Variants in METTL15 observed in about 807,000 individuals in gnomAD.
The protein encoded by METTL15 is methyltransferase 15, mitochondrial 12S rRNA N4-cytidine, also known as 12S rRNA N(4)-cytidine methyltransferase METTL15.
METTL15 carries 34 observed loss-of-function variants against 38.3 expected under a neutral mutation model. The observed-to-expected ratio is 0.89, with a 90% CI of 0.68 to 1.18. METTL15 has a LOEUF of 1.18. METTL15 is among the 50% of genes most tolerant of loss of function. The pLI, the probability that METTL15 is intolerant of heterozygous loss-of-function variation, is 0.00. For missense variants in METTL15, 438 were observed against 498.4 expected (o/e 0.88, Z 1.15); for synonymous variants, 162 against 170.9 (o/e 0.95, Z 0.41).
At chr11:28,401,163 G>C (rs1317061801) in intron 5 of METTL15, among the ~76,000 whole-genome samples, 2 of 151,948 alleles carry the variant, frequency 1.3e-5, no homozygotes, top group Non-Finnish European at 2.9e-5. Flanking sequence ...GTGGATGTGA[G>C]AGTGCCATGT....
chr11:28,162,021 C>T (rs567999185), intron 3 of METTL15, among the ~76,000 whole-genome samples: 5 of 152,028 alleles, frequency 3.3e-5, no homozygotes, highest in Middle Eastern at 3.4e-3. Context: ...TATTATATAC[C>T]GGGCACTGTT....
At chr11:28,164,892 C>T (rs965418915) in intron 3 of METTL15, among the ~76,000 whole-genome samples, 1 of 152,110 alleles carries the variant, frequency 6.6e-6, no homozygotes, top group Non-Finnish European at 1.5e-5. Context: ...CACTGTTCTA[C>T]TCTCTAACTC....
chr11:28,159,594 C>T (rs776618201), intron 3 of METTL15, among the ~76,000 whole-genome samples: 4 of 152,080 alleles, frequency 2.6e-5, no homozygotes, highest in Non-Finnish European at 5.9e-5. Context: ...GAGTCTTTCC[C>T]CCTTCTTTTG....
chr11:28,317,215 G>A (rs553363703), intron 6 of METTL15, among the ~76,000 whole-genome samples: 1 of 152,102 alleles, frequency 6.6e-6, no homozygotes, highest in Admixed American at 6.5e-5. Context: ...AGGAGTTGGG[G>A]ATTAAATGAG....
At chr11:28,478,510 A>G (rs76093760) in intron 6 of METTL15, among the ~76,000 whole-genome samples, 3,505 of 152,218 alleles carry the variant, frequency 0.023, 137 homozygotes, top group African/African-American at 0.081. Flanking sequence ...GTATCTACTA[A>G]ATTTCAGTGT....
In METTL15 at chr11:28,481,630, G is replaced by A. The variant is rs141487968; in HGVS notation, c.*425-44848G>A. Among the ~76,000 whole-genome samples, 1,209 of 152,174 alleles carry A rather than the reference G, an allele frequency of 7.9e-3. 3 individuals are homozygous for A. The highest frequency in any genetic ancestry group is 0.01 in the Middle Eastern group (3 of 294). ...TAATATCCCCTCAAGTCACTGAAGC[G>A]GCCAGCAGGATCACATCCCATCCTG... On this transcript the variant is annotated intron_variant and NMD_transcript_variant, in intron 6 of 7. Coordinates refer to the METTL15 transcript ENST00000532947.
intron 5 of METTL15, among the ~76,000 whole-genome samples, chr11:28,390,603 C>G (rs565115876): frequency 6.6e-6 from 1 of 152,138 alleles, no homozygotes; most frequent in East Asian, 1.9e-4. Context: ...TGTTTTGGTA[C>G]TAGTACCAGG....
intron 4 of METTL15, among the ~76,000 whole-genome samples, chr11:28,243,323 CT>C (rs1002324508): frequency 2.0e-5 from 3 of 152,030 alleles, no homozygotes; most frequent in Non-Finnish European, 2.9e-5. Flanking sequence ...TTGGCCGTAC[CT>C]TTTTCCTTAG....
At chr11:28,299,052 A>T (rs1000510313) in intron 6 of METTL15, among the ~76,000 whole-genome samples, 1 of 152,100 alleles carries the variant, frequency 6.6e-6, no homozygotes, top group Non-Finnish European at 1.5e-5. Context: ...TACAGTGAAA[A>T]TTCTCTTTCC....
chr11:28,249,910 G>A (rs1854666604), intron 4 of METTL15, among the ~76,000 whole-genome samples: 1 of 151,850 alleles, frequency 6.6e-6, no homozygotes, highest in African/African-American at 2.4e-5. Flanking sequence ...TGCAGTGTCT[G>A]TTTTTCCCCT....
intron 3 of METTL15, among the ~76,000 whole-genome samples, chr11:28,152,982 G>A (rs781606919): frequency 6.6e-6 from 1 of 152,008 alleles, no homozygotes; most frequent in African/African-American, 2.4e-5. Context: ...CATGGCATTT[G>A]CAAACTGTCA....
chr11:28,205,109 T>C (rs891953590), intron 3 of METTL15, among the ~76,000 whole-genome samples: 6 of 151,972 alleles, frequency 3.9e-5, no homozygotes, highest in Admixed American at 1.3e-4. Flanking sequence ...TTTTATTTAA[T>C]TTTTATTTTA....
At chr11:28,471,888 G>A (rs550470047) in intron 6 of METTL15, among the ~76,000 whole-genome samples, 2 of 152,214 alleles carry the variant, frequency 1.3e-5, no homozygotes, top group East Asian at 1.9e-4. Flanking sequence ...TCTGTGGGGG[G>A]AAAAACTCTC....
At position 28,258,030 on chromosome 11, in the gene METTL15, A is replaced by T. The variant is rs989601766; in HGVS notation, c.408-32176A>T. On this transcript the variant is annotated intron_variant, in intron 4 of 6. Transcript: ENST00000407364. Reference sequence around the variant, plus strand: ...CTTGTTTGTACCCATCTTTCTTGGGAAGGCTTTCCAGAGATTTGAACAGAC... The same window carrying T: ...CTTGTTTGTACCCATCTTTCTTGGGTAGGCTTTCCAGAGATTTGAACAGAC... Among the ~76,000 whole-genome samples the T allele has an allele frequency of 3.9e-5, 6 of 152,134 alleles. No individual in the cohort carries two copies. In the East Asian group the frequency reaches 1.2e-3, roughly 29 times the overall value.
chr11:28,380,850 T>C (rs892273882), intron 5 of METTL15, among the ~76,000 whole-genome samples: 1 of 143,456 alleles, frequency 7.0e-6, no homozygotes, highest in South Asian at 2.2e-4. Context: ...TTTTTTTTTT[T>C]CATTTCAGCA....
At chr11:28,486,435 G>A (rs1041947245) in intron 6 of METTL15, among the ~76,000 whole-genome samples, 8 of 151,884 alleles carry the variant, frequency 5.3e-5, no homozygotes, top group Admixed American at 5.2e-4. Context: ...GGGTAAAGCA[G>A]ATGTTCTGTC....
intron 3 of METTL15, among the ~76,000 whole-genome samples, chr11:28,168,872 G>A (rs967693729): frequency 6.6e-6 from 1 of 152,106 alleles, no homozygotes; most frequent in Non-Finnish European, 1.5e-5. Flanking sequence ...TGAAAACAGA[G>A]GGCAATTCAG....
At chr11:28,410,187 C>T (rs536474948) in intron 5 of METTL15, among the ~76,000 whole-genome samples, 1 of 152,200 alleles carries the variant, frequency 6.6e-6, no homozygotes, top group African/African-American at 2.4e-5. Context: ...GCCAAACATA[C>T]AAAGAAGAAT....
At chr11:28,321,043 C>T (rs377178999) in intron 6 of METTL15, among the ~76,000 whole-genome samples, 19 of 152,244 alleles carry the variant, frequency 1.2e-4, no homozygotes, top group African/African-American at 4.3e-4. Context: ...AGCCCTTTAT[C>T]TTACCCGCTC....
Sources: gnomAD v4.1 joint callset for allele counts (sites outside exome capture counted in the v4.1 genomes callset) on GRCh38, gnomAD v4.1.1 for gene constraint, MANE v1.5 for transcripts, NCBI Gene and HGNC (gene_info 2026-07-23, HGNC 2026-07-21) for gene names.